Variants in DMD observed in about 807,000 individuals in gnomAD.
DMD encodes mutant dystrophin.
DMD carries 63 observed loss-of-function variants against 330.1 expected under a neutral mutation model. The observed-to-expected ratio is 0.19, with a 90% CI of 0.16 to 0.24. The LOEUF is 0.24. Among genes scored for constraint, DMD ranks in the 10% least tolerant of loss-of-function variants. DMD has a pLI of 1.00. For synonymous variants in DMD, 1,223 were observed against 959.8 expected, an observed-to-expected ratio of 1.27 and a Z score of -5.07; for missense variants, 3,344 against 2,684.1, an observed-to-expected ratio of 1.25 and a Z score of -5.43.
intron 1 of DMD, among the ~76,000 whole-genome samples, chrX:33,106,926 A>G (rs995475978): frequency 1.8e-5 from 2 of 112,336 alleles, no homozygotes; most frequent in African/African-American, 6.5e-5. Context: ...CATTTACAGA[A>G]GCAAGTGGCT....
chrX:32,536,686 G>T (rs771170045), intron 17 of DMD, among the ~76,000 whole-genome samples: 10 of 111,958 alleles, frequency 8.9e-5, no homozygotes, highest in African/African-American at 3.2e-4. Flanking sequence ...TTATATTCTG[G>T]CTCAAGCTTC....
intron 9 of DMD, among the ~76,000 whole-genome samples, chrX:32,665,692 T>A (rs1040511349): frequency 7.2e-5 from 8 of 111,247 alleles, no homozygotes; most frequent in African/African-American, 2.6e-4. Context: ...CAAGAAGAAA[T>A]GGAAGCATTG....
At chrX:32,521,172 T>C (rs1339282390) in intron 17 of DMD, among the ~76,000 whole-genome samples, 1 of 112,029 alleles carries the variant, frequency 8.9e-6, no homozygotes, top group East Asian at 2.8e-4. Context: ...ATCCAATTTC[T>C]AGTATTTGTT....
chrX:31,739,371 TA>T (rs2087122448), intron 51 of DMD, among the ~76,000 whole-genome samples: 1 of 112,321 alleles, frequency 8.9e-6, no homozygotes, highest in Non-Finnish European at 1.9e-5. Context: ...GCTTTAAAAA[TA>T]AAAAATATGA....
At chrX:32,344,698 A>G (rs1017384715) in intron 39 of DMD, among the ~76,000 whole-genome samples, 10 of 111,294 alleles carry the variant, frequency 9.0e-5, no homozygotes, top group African/African-American at 2.6e-4. Context: ...GTGATGTATA[A>G]TATGTAAAAT....
At chrX:31,861,908 C>A (rs1452734217) in intron 48 of DMD, among the ~76,000 whole-genome samples, 7 of 96,872 alleles carry the variant, frequency 7.2e-5, no homozygotes, top group Non-Finnish European at 2.0e-5. Flanking sequence ...ATTCTAACAG[C>A]TGGCTTTATT....
chrX:31,177,700 C>T (rs1023861242), intron 71 of DMD, among the ~76,000 whole-genome samples: 2 of 109,665 alleles, frequency 1.8e-5, no homozygotes, highest in African/African-American at 6.6e-5. Flanking sequence ...GTTTGAATTT[C>T]ACCTGGTGGA....
At chrX:32,370,504 C>T (rs1234516705) in intron 34 of DMD, among the ~76,000 whole-genome samples, 1 of 110,878 alleles carries the variant, frequency 9.0e-6, no homozygotes, top group Non-Finnish European at 1.9e-5. Context: ...AGAAGAATTT[C>T]ATGAAAGCAG....
intron 56 of DMD, among the ~76,000 whole-genome samples, chrX:31,506,853 ATAATTG>A (rs1397535646): frequency 8.9e-6 from 1 of 112,269 alleles, no homozygotes; most frequent in African/African-American, 3.2e-5. Flanking sequence ...TTTATATTAT[ATAATTG>A]TAATGTGTTA....
At chrX:31,672,191 C>T (rs1214754367) in intron 53 of DMD, among the ~76,000 whole-genome samples, 1 of 111,695 alleles carries the variant, frequency 9.0e-6, no homozygotes, top group African/African-American at 3.3e-5. Flanking sequence ...ATAATTTTCT[C>T]ATATTTATGA....
chrX:32,608,578 AT>A lies in DMD; in HGVS notation c.1482+5724del, dbSNP rs1329251237. ...GATGTATTTTTCTACAGCTTTATGAATTTTTTTTTGCTGTATGCCCAACGTT... is the reference window on the plus strand; with the variant it reads ...GATGTATTTTTCTACAGCTTTATGAATTTTTTTTGCTGTATGCCCAACGTT... On this transcript the variant is annotated intron_variant, in intron 12 of 78. Coordinates refer to ENST00000357033, the MANE Select transcript of DMD (RefSeq NM_004006.3). Among the ~76,000 whole-genome samples, 7 of 109,301 alleles carry A rather than the reference AT, an allele frequency of 6.4e-5. No individual in the cohort carries two copies. In the South Asian group the frequency reaches 1.9e-3, roughly 30 times the overall value. 94.9% of individuals were successfully genotyped at this position (109,301 alleles called of 115,157 possible). A position where few individuals can be genotyped will look rare whatever the true frequency, so the allele number is the denominator to read the frequency against.
At chrX:32,554,350 T>C (rs1267337672) in intron 16 of DMD, among the ~76,000 whole-genome samples, 4 of 108,888 alleles carry the variant, frequency 3.7e-5, no homozygotes, top group African/African-American at 1.3e-4. Context: ...AAAATAAAAA[T>C]AAAAAAGGTA....
chrX:31,967,404 C>T (rs2095361866), intron 45 of DMD, among the ~76,000 whole-genome samples: 1 of 102,999 alleles, frequency 9.7e-6, no homozygotes, highest in East Asian at 3.3e-4. Flanking sequence ...ATTGTATCTA[C>T]TTTCTGAATA....
intron 44 of DMD, among the ~76,000 whole-genome samples, chrX:32,108,087 G>A (rs1831047337): frequency 9.0e-6 from 1 of 111,405 alleles, no homozygotes. Context: ...AATGATTTAG[G>A]ATGAACTGTG....
At chrX:32,009,959 T>C (rs1212777909) in intron 44 of DMD, among the ~76,000 whole-genome samples, 1 of 112,065 alleles carries the variant, frequency 8.9e-6, no homozygotes, top group Non-Finnish European at 1.9e-5. Flanking sequence ...GATTTCCTCT[T>C]TGATTCCTTC....
intron 55 of DMD, among the ~76,000 whole-genome samples, chrX:31,575,892 A>C (rs1163465217): frequency 8.9e-6 from 1 of 112,285 alleles, no homozygotes; most frequent in Non-Finnish European, 1.9e-5. Flanking sequence ...AAGCATCATC[A>C]AGTAAGTCTA....
intron 41 of DMD, among the ~76,000 whole-genome samples, chrX:32,329,376 C>A (rs1242903563): frequency 9.0e-6 from 1 of 111,581 alleles, no homozygotes; most frequent in Non-Finnish European, 1.9e-5. Context: ...AAGGAAATAT[C>A]CAGAAATAGA....
At chrX:31,876,797 G>T (rs1357906630) in intron 47 of DMD, among the ~76,000 whole-genome samples, 1 of 111,301 alleles carries the variant, frequency 9.0e-6, no homozygotes. Context: ...GTTAAAACTG[G>T]CATCCCAGAA....
At chrX:32,408,759 T>C in intron 30 of DMD, among the ~76,000 whole-genome samples, 1 of 112,129 alleles carries the variant, frequency 8.9e-6, no homozygotes, top group Non-Finnish European at 1.9e-5. Flanking sequence ...AATATTTTAA[T>C]TAGCAATAAC....
Sources: allele counts gnomAD v4.1 joint callset (sites outside exome capture counted in the v4.1 genomes callset), GRCh38; gene constraint gnomAD v4.1.1; transcripts MANE v1.5; gene names NCBI Gene and HGNC (gene_info 2026-07-23, HGNC 2026-07-21).